GPC5: variants seen among roughly 807,000 people sequenced by gnomAD.
GPC5 encodes glypican 5, also known as glypican-5.
GPC5 carries 47 observed loss-of-function variants against 53.9 expected under a neutral mutation model. That is an observed-to-expected ratio of 0.87 (90% CI 0.69 to 1.11). The LOEUF is 1.11. GPC5 is among the 50% of genes most tolerant of loss of function. The pLI is 0.00. For synonymous variants in GPC5, 286 were observed against 263.3 expected, an observed-to-expected ratio of 1.09 and a Z score of -0.84; for missense variants, 748 against 713.1, an observed-to-expected ratio of 1.05 and a Z score of -0.56.
chr13:92,293,868 T>C (rs138215796), intron 7 of GPC5, among the ~76,000 whole-genome samples: 1 of 152,294 alleles, frequency 6.6e-6, no homozygotes, highest in East Asian at 1.9e-4. Context: ...ATGTCCCTTG[T>C]ATGCAGATTT....
intron 7 of GPC5, among the ~76,000 whole-genome samples, chr13:92,750,429 G>A (rs1232191862): frequency 1.3e-5 from 2 of 151,530 alleles, no homozygotes; most frequent in African/African-American, 4.9e-5. Context: ...GAAGAGAAAA[G>A]ACAATGCTGG....
chr13:91,773,596 A>G (rs1361931510), intron 5 of GPC5, among the ~76,000 whole-genome samples: 2 of 152,190 alleles, frequency 1.3e-5, no homozygotes, highest in Non-Finnish European at 2.9e-5. Flanking sequence ...TTGGTTAAAG[A>G]TTTCTCCATG....
At chr13:91,711,374 A>G (rs1447821053) in intron 3 of GPC5, among the ~76,000 whole-genome samples, 1 of 150,444 alleles carries the variant, frequency 6.6e-6, no homozygotes, top group African/African-American at 2.4e-5. Context: ...CAAACACCTC[A>G]TGTTCTCACT....
intron 7 of GPC5, among the ~76,000 whole-genome samples, chr13:92,404,016 T>C (rs1347355787): frequency 2.0e-5 from 3 of 152,206 alleles, no homozygotes; most frequent in Non-Finnish European, 2.9e-5. Context: ...TTGTATTACA[T>C]ATGAGTTTTC....
At chr13:92,073,699 T>C (rs549089686) in intron 6 of GPC5, among the ~76,000 whole-genome samples, 1 of 152,350 alleles carries the variant, frequency 6.6e-6, no homozygotes, top group South Asian at 2.1e-4. Flanking sequence ...GAGGTCTCTG[T>C]ATACTGCTTG....
intron 7 of GPC5, among the ~76,000 whole-genome samples, chr13:92,255,124 T>G (rs146205558): frequency 1.3e-3 from 195 of 152,294 alleles, no homozygotes; most frequent in African/African-American, 4.4e-3. Context: ...CTACACTGTT[T>G]TATATGAGAC....
intron 7 of GPC5, among the ~76,000 whole-genome samples, chr13:92,230,059 C>T (rs985477680): frequency 1.3e-5 from 2 of 151,976 alleles, no homozygotes; most frequent in Admixed American, 6.6e-5. Flanking sequence ...TGAACTGATA[C>T]ATTTGTCTAA....
intron 7 of GPC5, among the ~76,000 whole-genome samples, chr13:92,330,104 G>C (rs934886541): frequency 3.3e-5 from 5 of 152,114 alleles, no homozygotes; most frequent in Admixed American, 2.0e-4. Flanking sequence ...ATACTTAAGA[G>C]CACAGGAATA....
chr13:91,660,780 T>C (rs1177916935), intron 2 of GPC5, among the ~76,000 whole-genome samples: 4 of 152,192 alleles, frequency 2.6e-5, no homozygotes, highest in Non-Finnish European at 5.9e-5. Flanking sequence ...AAATACAAAA[T>C]CTAAGTCAGA....
At chr13:92,709,241 T>C (rs1351588528) in intron 7 of GPC5, among the ~76,000 whole-genome samples, 1 of 150,586 alleles carries the variant, frequency 6.6e-6, no homozygotes, top group Non-Finnish European at 1.5e-5. Flanking sequence ...GGATTTTTAG[T>C]AGAGATAGGG....
chr13:91,566,049 A>G (rs2031510592), intron 2 of GPC5, among the ~76,000 whole-genome samples: 1 of 152,082 alleles, frequency 6.6e-6, no homozygotes, highest in Non-Finnish European at 1.5e-5. Context: ...CCACACAGTA[A>G]TCCAGCATCA....
chr13:91,451,314 G>A (rs1205824302), intron 2 of GPC5, among the ~76,000 whole-genome samples: 2 of 152,166 alleles, frequency 1.3e-5, no homozygotes, highest in Non-Finnish European at 2.9e-5. Context: ...CTGGGATGTA[G>A]TATGGTCTCT....
At chr13:92,235,677 G>A (rs1360887807) in intron 7 of GPC5, among the ~76,000 whole-genome samples, 1 of 152,136 alleles carries the variant, frequency 6.6e-6, no homozygotes, top group Non-Finnish European at 1.5e-5. Flanking sequence ...TTTATTAGCA[G>A]TCCTGATTCA....
Position 91,452,136 on chromosome 13 carries a change from C to T in GPC5, c.325+3214C>T, listed in dbSNP as rs931164958. The stretch of plus-strand genomic sequence containing the variant: ...AGTAGCTAGGACTACAGGCTCATGA[C>T]ACCTTGCCTGGCTAATTTTTGATAT... On this transcript the variant is annotated intron_variant, in intron 2 of 7. Transcript: ENST00000377067. 5.9e-5 allele frequency among the ~76,000 whole-genome samples: 9 copies of T among 152,010 alleles called. No individual in the cohort carries two copies. In the East Asian group the frequency reaches 1.4e-3, roughly 23 times the overall value.
chr13:92,597,002 G>T (rs1009751602), intron 7 of GPC5, among the ~76,000 whole-genome samples: 1 of 151,258 alleles, frequency 6.6e-6, no homozygotes, highest in Non-Finnish European at 1.5e-5. Flanking sequence ...TTCTTCCGTT[G>T]TTTGTTATTA....
chr13:91,998,979 C>G (rs2040530096), intron 6 of GPC5, among the ~76,000 whole-genome samples: 1 of 152,152 alleles, frequency 6.6e-6, no homozygotes, highest in Non-Finnish European at 1.5e-5. Flanking sequence ...CTTACTAGAA[C>G]TAGCAGAACT....
intron 6 of GPC5, among the ~76,000 whole-genome samples, chr13:92,085,455 A>T (rs1566428516): frequency 6.6e-6 from 1 of 152,130 alleles, no homozygotes; most frequent in Non-Finnish European, 1.5e-5. Flanking sequence ...GGAAGAACAG[A>T]CTCTCTAAGT....
At chr13:92,029,272 C>A (rs1458296716) in intron 6 of GPC5, among the ~76,000 whole-genome samples, 1 of 152,134 alleles carries the variant, frequency 6.6e-6, no homozygotes. Flanking sequence ...ATGAAACTTA[C>A]AGAAATGCAT....
chr13:91,729,568 ACACCTAATTGCCTCATTCTCTCAT>A (rs1456197161), intron 4 of GPC5, among the ~76,000 whole-genome samples: 1 of 152,112 alleles, frequency 6.6e-6, no homozygotes, highest in Non-Finnish European at 1.5e-5. Flanking sequence ...TTGGGATAGG[ACACCTAATTGCCTCATTCTCTCAT>A]CAGATGGGCT....
Sources: allele counts gnomAD v4.1 joint callset (sites outside exome capture counted in the v4.1 genomes callset), GRCh38; gene constraint gnomAD v4.1.1; transcripts MANE v1.5; gene names NCBI Gene and HGNC (gene_info 2026-07-23, HGNC 2026-07-21).